SYN3: variants seen among roughly 807,000 people sequenced by gnomAD.
SYN3 encodes synapsin-3.
SYN3 carries 35 observed loss-of-function variants against 65.8 expected under a neutral mutation model. The observed-to-expected ratio is 0.53, with a 90% CI of 0.41 to 0.70. The LOEUF (loss-of-function observed/expected upper bound fraction) is 0.70. Ranked by LOEUF, SYN3 falls within the 30% of genes least tolerant of loss-of-function variation. SYN3 has a pLI of 0.00. For synonymous variants in SYN3, 270 were observed against 292.9 expected (o/e 0.92, Z 0.80); for missense variants, 680 against 749.0 (o/e 0.91, Z 1.08).
At chr22:32,825,734 ATATT>A (rs1286472932) in intron 6 of SYN3, among the ~76,000 whole-genome samples, 4 of 140,532 alleles carry the variant, frequency 2.8e-5, no homozygotes, top group Non-Finnish European at 6.1e-5. Context: ...TATATAATAC[ATATT>A]TATTTGTACA....
At chr22:32,569,400 AATCT>A (rs60525962) in intron 7 of SYN3, among the ~76,000 whole-genome samples, 31,236 of 143,776 alleles carry the variant, frequency 0.22, 3,333 homozygotes, top group African/African-American at 0.27. Flanking sequence ...CTCCATCCAA[AATCT>A]ATCTATCTAT....
chr22:32,519,987 C>G (rs931403141), intron 12 of SYN3, among the ~76,000 whole-genome samples: 1 of 152,094 alleles, frequency 6.6e-6, no homozygotes, highest in East Asian at 1.9e-4. Context: ...TTATTTTCAT[C>G]CCCTACCCCC....
chr22:32,789,944 C>T (rs2046281535), intron 6 of SYN3, among the ~76,000 whole-genome samples: 1 of 152,242 alleles, frequency 6.6e-6, no homozygotes, highest in Non-Finnish European at 1.5e-5. Flanking sequence ...TTGGCTGGCT[C>T]TGTGCCAGGA....
At chr22:32,609,329 G>GAATA (rs557888996) in intron 6 of SYN3, among the ~76,000 whole-genome samples, 178 of 151,242 alleles carry the variant, frequency 1.2e-3, no homozygotes, top group African/African-American at 4.0e-3. Context: ...CTCAATAAAT[G>GAATA]AATAAATAAA....
intron 6 of SYN3, among the ~76,000 whole-genome samples, chr22:32,724,846 C>T (rs1171859259): frequency 3.3e-5 from 5 of 152,082 alleles, no homozygotes; most frequent in Non-Finnish European, 7.4e-5. Flanking sequence ...CTGGGCCGAG[C>T]GCGGTGGCTC....
rs149159557 is a variant in SYN3, at chr22:32,511,342, C to T, written c.*2350G>A. Among the ~76,000 whole-genome samples, 36 of 152,336 alleles carry T rather than the reference C, an allele frequency of 2.4e-4. No individual in the cohort carries two copies. The highest frequency in any genetic ancestry group is 8.2e-4 in the African/African-American group (34 of 41,574). Reference sequence around the variant, plus strand: ...ATTGACCCCAGGACCCCCACCTCCACCCACCTTGGGGGTCTAGAAGAATGT... The same window carrying T: ...ATTGACCCCAGGACCCCCACCTCCATCCACCTTGGGGGTCTAGAAGAATGT... On this transcript the variant is annotated 3_prime_UTR_variant, in exon 14 of 14. Transcript: ENST00000358763.
intron 4 of SYN3, among the ~76,000 whole-genome samples, chr22:32,870,979 C>T (rs898286418): frequency 6.6e-6 from 1 of 152,172 alleles, no homozygotes; most frequent in East Asian, 1.9e-4. Context: ...AATGGATGTG[C>T]ATCTTAAAAA....
intron 1 of SYN3, among the ~76,000 whole-genome samples, chr22:33,055,411 CTTG>C: frequency 6.6e-6 from 1 of 152,334 alleles, no homozygotes; most frequent in Non-Finnish European, 1.5e-5. Flanking sequence ...GCCTCTTGAT[CTTG>C]GCGTTGCCGG....
intron 3 of SYN3, among the ~76,000 whole-genome samples, chr22:32,967,917 C>T (rs568769653): frequency 6.6e-6 from 1 of 152,284 alleles, no homozygotes; most frequent in African/African-American, 2.4e-5. Context: ...CTGAAGGCCA[C>T]GCTGGAGAAG....
At chr22:32,814,440 G>A (rs2227046) in intron 6 of SYN3, among the ~76,000 whole-genome samples, 2,128 of 152,238 alleles carry the variant, frequency 0.014, 23 homozygotes, top group Non-Finnish European at 0.022. Context: ...CTAAGCTACC[G>A]TATTAAACAG....
intron 12 of SYN3, among the ~76,000 whole-genome samples, chr22:32,526,128 G>A (rs1412319877): frequency 2.0e-5 from 3 of 152,022 alleles, no homozygotes; most frequent in East Asian, 1.9e-4. Flanking sequence ...TAATGCTATT[G>A]TACTTAAGAG....
chr22:32,950,560 C>T (rs548069405), intron 3 of SYN3, among the ~76,000 whole-genome samples: 6 of 152,274 alleles, frequency 3.9e-5, no homozygotes, highest in African/African-American at 9.6e-5. Context: ...CTCTAATTCC[C>T]GGGAGCTTCT....
chr22:32,513,024 G>GC lies in SYN3; in HGVS notation c.*667dup, dbSNP rs1391882342. 1.3e-5 allele frequency: 2 copies of GC among 152,030 alleles called. No individual in the cohort carries two copies. The highest frequency in any genetic ancestry group is 2.1e-4 in the South Asian group (1 of 4,796). The allele number at this position is 152,030 out of a possible 1,614,324, so 9.4% of individuals were successfully genotyped here. On this transcript the variant is annotated 3_prime_UTR_variant, in exon 14 of 14. Transcript: ENST00000358763. ...TCTGAGTATGAGTGGCATTACAAGG[G>GC]CCCCCCTGTTTCTGTCGTGTTCTGA...
At chr22:32,956,621 T>G (rs921585211) in intron 3 of SYN3, among the ~76,000 whole-genome samples, 7 of 152,224 alleles carry the variant, frequency 4.6e-5, no homozygotes, top group Admixed American at 1.3e-4. Flanking sequence ...ATTCCTTTTT[T>G]GAGGCTGAAT....
At chr22:32,541,537 C>T (rs1313521656) in intron 8 of SYN3, 34 bp downstream of exon 8, 1 of 1,612,570 alleles carries the variant, frequency 6.2e-7, no homozygotes, top group East Asian at 2.2e-5. Flanking sequence ...TGCCTTCCTC[C>T]CACACTCCCC....
intron 1 of SYN3, among the ~76,000 whole-genome samples, chr22:33,058,050 C>T (rs1488414263): frequency 6.6e-6 from 1 of 152,104 alleles, no homozygotes; most frequent in Non-Finnish European, 1.5e-5. Flanking sequence ...CCCCGCACGC[C>T]GATCTGTCTG....
chr22:32,599,360 C>T (rs2059248409), intron 6 of SYN3, among the ~76,000 whole-genome samples: 3 of 150,656 alleles, frequency 2.0e-5, no homozygotes, highest in Non-Finnish European at 2.9e-5. Flanking sequence ...CTCGCTTTGT[C>T]GCTCAGGCTG....
At chr22:33,044,836 T>C (rs1338140720) in intron 1 of SYN3, among the ~76,000 whole-genome samples, 1 of 149,086 alleles carries the variant, frequency 6.7e-6, no homozygotes, top group Non-Finnish European at 1.5e-5. Context: ...CCTTCCCAGA[T>C]GATTCTTCTT....
chr22:32,582,265 G>T (rs3788463), intron 7 of SYN3, among the ~76,000 whole-genome samples: 59,981 of 152,084 alleles, frequency 0.39, 13,832 homozygotes, highest in African/African-American at 0.65. Context: ...AAAACCAGTG[G>T]TTATGCAGAA....
Sources: gnomAD v4.1 joint callset for allele counts (sites outside exome capture counted in the v4.1 genomes callset) on GRCh38, gnomAD v4.1.1 for gene constraint, MANE v1.5 for transcripts, NCBI Gene and HGNC (gene_info 2026-07-23, HGNC 2026-07-21) for gene names.